Variants in MYO7B observed in about 807,000 individuals in gnomAD.
The protein encoded by MYO7B is myosin VIIB.
MYO7B carries 212 observed loss-of-function variants against 259.7 expected under a neutral mutation model. That is an observed-to-expected ratio of 0.82 (90% CI 0.73 to 0.91). The LOEUF (loss-of-function observed/expected upper bound fraction) is 0.91, where lower values mean the gene tolerates loss of function less well. Among genes scored for constraint, MYO7B ranks in the 40% least tolerant of loss-of-function variants. The probability of loss-of-function intolerance (pLI) is 0.00; values close to 1 mark genes in which losing one functional copy is unlikely to be tolerated. For missense variants in MYO7B, 2,732 were observed against 2,813.5 expected (o/e 0.97, Z 0.66); for synonymous variants, 1,197 against 1,166.4 (o/e 1.03, Z -0.54).
At position 127,634,200 on chromosome 2, in the gene MYO7B, C is replaced by CG; in HGVS notation, c.5539dup (p.Val1847GlyfsTer6). 6.2e-7 allele frequency: 1 copy of CG among 1,606,798 alleles called. No individual in the cohort carries two copies. The highest frequency in any genetic ancestry group is 8.5e-7 in the Non-Finnish European group (1 of 1,177,344). On this transcript the variant is annotated frameshift_variant, in exon 41 of 48. Coordinates refer to ENST00000409816, the MANE Select transcript of MYO7B (RefSeq NM_001393586.1). LOFTEE classifies it high-confidence loss of function. ...GATGCTGGAGGTGGTTGCCAACACACGGGTGCGGGATGTGTGTGACAGCAT... is the reference window on the plus strand; with the variant it reads ...GATGCTGGAGGTGGTTGCCAACACACGGGGTGCGGGATGTGTGTGACAGCAT...
rs752915445 is a variant in MYO7B at position 127,628,541 on chromosome 2, A to G, written c.4624+6A>G. 1 of 761,674 alleles carries G rather than the reference A, an allele frequency of 1.3e-6. No homozygotes were observed. The highest frequency in any genetic ancestry group is 1.9e-5 in the South Asian group (1 of 53,924). 47.2% of individuals were successfully genotyped at this position (761,674 alleles called of 1,614,324 possible). ...GCAGGACAGGAAGGCCACAGGTGCCAGACTGGGTGGGGTGGGGTGGGGTGG... is the reference window on the plus strand; with the variant it reads ...GCAGGACAGGAAGGCCACAGGTGCCGGACTGGGTGGGGTGGGGTGGGGTGG... On this transcript the variant is annotated splice_donor_region_variant and intron_variant, in intron 34 of 47. Coordinates refer to ENST00000409816, the MANE Select transcript of MYO7B (RefSeq NM_001393586.1). The surrounding 1 kb of genome is among the most constrained non-coding windows in gnomAD (Gnocchi z 4.8).
At chr2:127,631,470 C>T in intron 37 of MYO7B, 107 bp downstream of exon 37, 1 of 1,540,144 alleles carries the variant, frequency 6.5e-7, no homozygotes, top group Non-Finnish European at 8.8e-7. Flanking sequence ...CCCAGGAGAT[C>T]TGAGAAACCT....
chr2:127,620,199 G>A (rs1474220240), intron 26 of MYO7B, 141 bp from the exon 27 acceptor site: 3 of 938,290 alleles, frequency 3.2e-6, no homozygotes. Context: ...AGAGGAGGAG[G>A]CTGGGCAGGG....
chr2:127,635,087 C>G (rs1165381000), intron 42 of MYO7B, 33 bp from the exon 43 acceptor site: 5 of 1,564,816 alleles, frequency 3.2e-6, no homozygotes, highest in Admixed American at 1.7e-5. Context: ...CCTGCTGGGA[C>G]AGGCTTGGTG....
chr2:127,567,700 A>C (rs1273136818), intron 5 of MYO7B, among the ~76,000 whole-genome samples: 1 of 152,040 alleles, frequency 6.6e-6, no homozygotes, highest in African/African-American at 2.4e-5. Flanking sequence ...CAATCATTTG[A>C]GGTTTTGTCA....
intron 38 of MYO7B, 147 bp downstream of exon 38, chr2:127,631,900 G>A: frequency 8.7e-7 from 1 of 1,146,724 alleles, no homozygotes; most frequent in Non-Finnish European, 1.2e-6. Flanking sequence ...GAAGGGTTGG[G>A]CCCTTGGTCT....
In MYO7B at chr2:127,593,541, G is replaced by C. The variant is rs775917728; in HGVS notation, c.2146-5G>C. The stretch of plus-strand genomic sequence containing the variant: ...CCCACCGATACCCCCGTTTGGTCTT[G>C]GCAGCTGCAAGGCAAGCTCCGCCAG... On this transcript the variant is annotated splice_region_variant and splice_polypyrimidine_tract_variant and intron_variant, in intron 17 of 47. Transcript: ENST00000409816. The C allele has an allele frequency of 2.1e-5, 34 of 1,612,464 alleles. No individual in the cohort carries two copies. In the Admixed American group the frequency reaches 2.3e-4, roughly 11 times the overall value.
chr2:127,590,309 T>C lies in MYO7B; in HGVS notation c.1992+80T>C. 1 of 1,584,718 alleles carries C rather than the reference T, an allele frequency of 6.3e-7. No homozygotes were observed. Among genetic ancestry groups the C allele is most frequent in the Non-Finnish European group, 8.6e-7 (1 of 1,159,988 alleles). On this transcript the variant is annotated intron_variant, in intron 16 of 47. Coordinates refer to ENST00000409816, the MANE Select transcript of MYO7B (RefSeq NM_001393586.1). This position sits in a 1 kb window ranked among gnomAD's most constrained non-coding sequence, Gnocchi z 4.6. ...CCTCTAGGGTTGTGGTCACTCCCTC[T>C]GCCAGGGCCTGGCTAGCGTTAGAGC...
At position 127,559,866 on chromosome 2, in the gene MYO7B, T is replaced by G; in HGVS notation, c.18+126T>G. Reference sequence around the variant, plus strand: ...TAGGAAAATACCAGAGACAGGGGAGTTTAGGAAACACGACAGATTCTAGCA... The same window carrying G: ...TAGGAAAATACCAGAGACAGGGGAGGTTAGGAAACACGACAGATTCTAGCA... On this transcript the variant is annotated intron_variant, in intron 2 of 47. Transcript: ENST00000409816. The surrounding 1 kb of genome is among the most constrained non-coding windows in gnomAD (Gnocchi z 4.1). The G allele has an allele frequency of 8.8e-7, 1 of 1,131,722 alleles. No individual in the cohort carries two copies. The highest frequency in any genetic ancestry group is 1.3e-6 in the Non-Finnish European group (1 of 748,416). The allele number at this position is 1,131,722 out of a possible 1,614,324, so 70.1% of individuals were successfully genotyped here.
chr2:127,537,278 G>C (rs1055527587), intron 1 of MYO7B, among the ~76,000 whole-genome samples: 2 of 152,200 alleles, frequency 1.3e-5, no homozygotes, highest in African/African-American at 4.8e-5. Flanking sequence ...TGGGGCTCCA[G>C]CTATTGTCTC....
intron 26 of MYO7B, among the ~76,000 whole-genome samples, chr2:127,617,484 G>A (rs1019009019): frequency 8.0e-6 from 1 of 125,496 alleles, no homozygotes; most frequent in Non-Finnish European, 1.6e-5. Context: ...GACTTGTAAC[G>A]GGGTTTTTTT....
Position 127,590,366 on chromosome 2 carries a change from C to T in MYO7B, c.1992+137C>T. The T allele has an allele frequency of 1.6e-6, 2 of 1,278,456 alleles. No homozygotes were observed. The highest frequency in any genetic ancestry group is 2.9e-5 in the South Asian group (2 of 69,434). 79.2% of individuals were successfully genotyped at this position (1,278,456 alleles called of 1,614,324 possible). On this transcript the variant is annotated intron_variant, in intron 16 of 47. Coordinates refer to ENST00000409816, the MANE Select transcript of MYO7B (RefSeq NM_001393586.1). The surrounding 1 kb of genome is among the most constrained non-coding windows in gnomAD (Gnocchi z 4.6). Reference sequence around the variant, plus strand: ...TGCCCCTACCTTACAGATAAGTACACTGGGGTAAGGTGACCAGACTAGGTC... The same window carrying T: ...TGCCCCTACCTTACAGATAAGTACATTGGGGTAAGGTGACCAGACTAGGTC...
chr2:127,538,277 G>A (rs1014241223), intron 1 of MYO7B, among the ~76,000 whole-genome samples: 11 of 152,228 alleles, frequency 7.2e-5, no homozygotes, highest in African/African-American at 2.4e-4. Context: ...GAGGGGGGTG[G>A]TAAGATATGC....
chr2:127,620,569 C>T, intron 27 of MYO7B, 103 bp downstream of exon 27: 1 of 1,306,296 alleles, frequency 7.7e-7, no homozygotes, highest in African/African-American at 1.5e-5. Context: ...GTACGTGGCC[C>T]ATTTCTCCTG....
rs374615055 is a variant in MYO7B at position 127,588,524 on chromosome 2, G to T, written c.1823G>T (p.Arg608Leu). The T allele has an allele frequency of 6.2e-7, 1 of 1,613,244 alleles. No individual in the cohort carries two copies. The highest frequency in any genetic ancestry group is 8.5e-7 in the Non-Finnish European group (1 of 1,179,856). The change falls in exon 15 of 48, where the codon CGC (arginine) becomes CTC (leucine). Residue 608 changes from arginine (R) to leucine (L), a missense_variant. By Grantham distance (102) the Arg-to-Leu change is moderately radical. This residue lies in a region of MYO7B where 1,906 missense variants were observed against 2,026.4 expected (regional missense o/e 0.94). Transcript: ENST00000409816. ...ACCAAGCTGGGCCATGGGACCATCCGCCAGGCAAAGGCAGGAAACCATCTC... is the reference window on the plus strand; with the variant it reads ...ACCAAGCTGGGCCATGGGACCATCCTCCAGGCAAAGGCAGGAAACCATCTC... ...AETKLGHGTI[R>L]QAKAGNHLFK...
At position 127,628,674 on chromosome 2, in the gene MYO7B, G is replaced by C; in HGVS notation, c.4624+139G>C. ...GGGAGGGAAGGCCCCAAAGCTCTGT[G>C]GGGGCAGCTTTAGGCAAGGCCCTGC... On this transcript the variant is annotated intron_variant, in intron 34 of 47. Transcript: ENST00000409816. This position sits in a 1 kb window ranked among gnomAD's most constrained non-coding sequence, Gnocchi z 4.8. 10 of 947,048 alleles carry C rather than the reference G, an allele frequency of 1.1e-5. No individual in the cohort carries two copies. The highest frequency in any genetic ancestry group is 1.6e-5 in the Non-Finnish European group (10 of 644,560). 58.7% of individuals were successfully genotyped at this position (947,048 alleles called of 1,614,324 possible). A position where few individuals can be genotyped will look rare whatever the true frequency, so the allele number is the denominator to read the frequency against.
chr2:127,546,939 C>G lies in MYO7B; in HGVS notation c.-24+11108C>G, dbSNP rs1259678780. Among the ~76,000 whole-genome samples the G allele has an allele frequency of 6.6e-6, 1 of 151,788 alleles. No individual in the cohort carries two copies. The highest frequency in any genetic ancestry group is 2.4e-5 in the African/African-American group (1 of 41,310). ...ACCCATTCACCCACTCATTCAACCACTAATCGACTCATCCATCCATCCATC... is the reference window on the plus strand; with the variant it reads ...ACCCATTCACCCACTCATTCAACCAGTAATCGACTCATCCATCCATCCATC... On this transcript the variant is annotated intron_variant, in intron 1 of 47. Transcript: ENST00000409816. This position sits in a 1 kb window ranked among gnomAD's most constrained non-coding sequence, Gnocchi z 4.2.
rs982080136 is a variant in MYO7B at position 127,559,251 on chromosome 2, G to A, written c.-23-449G>A. ...AGCTGTGCTACTAATTAACTGAGTG[G>A]CATTTCCTGCATTGAGTCCCATGTC... On this transcript the variant is annotated intron_variant, in intron 1 of 47. Transcript: ENST00000409816. The surrounding 1 kb of genome is among the most constrained non-coding windows in gnomAD (Gnocchi z 4.1). Among the ~76,000 whole-genome samples, 4 of 152,190 alleles carry A rather than the reference G, an allele frequency of 2.6e-5. No homozygotes were observed. The highest frequency in any genetic ancestry group is 1.3e-4 in the Admixed American group (2 of 15,280).
chr2:127,537,441 T>C (rs1692827691), intron 1 of MYO7B, among the ~76,000 whole-genome samples: 1 of 152,216 alleles, frequency 6.6e-6, no homozygotes, highest in South Asian at 2.1e-4. Context: ...AACACATGTA[T>C]TTAAATGATG....
Sources: gnomAD v4.1 joint callset for allele counts (sites outside exome capture counted in the v4.1 genomes callset) on GRCh38, gnomAD v4.1.1 for gene constraint, gnomAD v4.1.1 regional missense constraint, Gnocchi (gnomAD v3.1) non-coding constraint, MANE v1.5 for transcripts, NCBI Gene and HGNC (gene_info 2026-07-23, HGNC 2026-07-21) for gene names.